The following ADD2 variants were observed in gnomAD, a reference collection of about 807,000 sequenced individuals.
ADD2 encodes beta-adducin.
A neutral mutation model predicts 83.0 loss-of-function variants in ADD2; 23 were observed. The ratio of observed to expected loss-of-function variants is 0.28; its 90% CI spans 0.20 to 0.39. The LOEUF is 0.39. ADD2 is among the 10% of genes least tolerant of loss of function. The probability of loss-of-function intolerance (pLI) is 1.00; values close to 1 mark genes in which losing one functional copy is unlikely to be tolerated. For missense variants in ADD2, 758 were observed against 944.9 expected (o/e 0.80, Z 2.59); for synonymous variants, 375 against 375.4 (o/e 1.00, Z 0.01).
chr2:70,669,186 A>G (rs1669798617), intron 15 of ADD2, among the ~76,000 whole-genome samples: 1 of 152,206 alleles, frequency 6.6e-6, no homozygotes, highest in African/African-American at 2.4e-5. Context: ...ATTGAGCTGG[A>G]TGCTGGCCAC....
intron 4 of ADD2, among the ~76,000 whole-genome samples, chr2:70,703,716 A>G (rs1671732580): frequency 6.6e-6 from 1 of 152,202 alleles, no homozygotes; most frequent in African/African-American, 2.4e-5. Context: ...ATTTTATGTG[A>G]TTACATTTGT....
intron 6 of ADD2, among the ~76,000 whole-genome samples, chr2:70,693,736 C>T (rs782316966): frequency 6.6e-6 from 1 of 152,200 alleles, no homozygotes; most frequent in Non-Finnish European, 1.5e-5. Flanking sequence ...CCAGCTCCCC[C>T]ACTTCCTCAG....
intron 2 of ADD2, among the ~76,000 whole-genome samples, chr2:70,707,347 C>A (rs1393195379): frequency 3.9e-5 from 6 of 152,240 alleles, no homozygotes; most frequent in Non-Finnish European, 7.3e-5. Context: ...GCTGCCAGAG[C>A]CCCACGTGCT....
chr2:70,669,912 C>A (rs547500244), intron 15 of ADD2, among the ~76,000 whole-genome samples: 5 of 152,260 alleles, frequency 3.3e-5, no homozygotes, highest in African/African-American at 1.2e-4. Flanking sequence ...ATCTCAGTGT[C>A]CCAGCTGAGC....
chr2:70,758,435 AG>A (rs1250117421), intron 1 of ADD2, among the ~76,000 whole-genome samples: 2 of 135,048 alleles, frequency 1.5e-5, no homozygotes, highest in Admixed American at 1.5e-4. Flanking sequence ...TTGTTTTGGA[AG>A]GGTTGGGAGG....
intron 12 of ADD2, 22 bp downstream of exon 12, chr2:70,677,736 G>A: frequency 6.2e-7 from 1 of 1,612,502 alleles, no homozygotes; most frequent in Non-Finnish European, 8.5e-7. Flanking sequence ...AAGAAAGAGT[G>A]GGATAAACAG....
At chr2:70,713,783 A>G (rs556918795) in intron 1 of ADD2, among the ~76,000 whole-genome samples, 82 of 152,196 alleles carry the variant, frequency 5.4e-4, no homozygotes, top group African/African-American at 1.9e-3. Context: ...GCACGAGCCC[A>G]GACGTGGTGG....
At chr2:70,741,581 T>G (rs782486156) in intron 1 of ADD2, among the ~76,000 whole-genome samples, 1 of 152,214 alleles carries the variant, frequency 6.6e-6, no homozygotes. Flanking sequence ...CAGGTCAGCA[T>G]TCCCATACGT....
intron 15 of ADD2, among the ~76,000 whole-genome samples, chr2:70,672,315 A>C (rs1553367208): frequency 6.6e-6 from 1 of 152,250 alleles, no homozygotes; most frequent in Non-Finnish European, 1.5e-5. Context: ...GAGAGACGTG[A>C]AAACTCCAGG....
intron 10 of ADD2, among the ~76,000 whole-genome samples, chr2:70,681,677 TG>T (rs1217102553): frequency 2.6e-5 from 4 of 152,066 alleles, no homozygotes; most frequent in Non-Finnish European, 4.4e-5. Context: ...TTTTTTCAGT[TG>T]TTTTTTTTTT....
chr2:70,742,996 T>G (rs1674001757), intron 1 of ADD2, among the ~76,000 whole-genome samples: 1 of 152,236 alleles, frequency 6.6e-6, no homozygotes, highest in Non-Finnish European at 1.5e-5. Context: ...TACAGATGTG[T>G]TAAGTGAGAA....
chr2:70,738,940 G>A (rs782297192), intron 1 of ADD2, among the ~76,000 whole-genome samples: 10 of 152,150 alleles, frequency 6.6e-5, no homozygotes, highest in Middle Eastern at 3.4e-3. Flanking sequence ...AAAAACCCTC[G>A]AAGACAACCT....
At chr2:70,672,040 G>A (rs1464246705) in intron 15 of ADD2, among the ~76,000 whole-genome samples, 2 of 152,104 alleles carry the variant, frequency 1.3e-5, no homozygotes, top group East Asian at 3.8e-4. Context: ...AACCATAACC[G>A]TAATTGCATC....
At chr2:70,677,662 G>C in intron 12 of ADD2, 96 bp downstream of exon 12, 2 of 1,491,716 alleles carry the variant, frequency 1.3e-6, no homozygotes, top group Non-Finnish European at 1.8e-6. Flanking sequence ...AGATGTCAGC[G>C]AGTCAGGCAC....
intron 1 of ADD2, among the ~76,000 whole-genome samples, chr2:70,732,603 G>C (rs1168477183): frequency 5.3e-5 from 8 of 152,296 alleles, no homozygotes; most frequent in African/African-American, 1.9e-4. Flanking sequence ...ATGGCTTTCA[G>C]GGATGTCAGA....
chr2:70,658,039 T>C lies in ADD2; in HGVS notation c.*5386A>G, dbSNP rs1445400288. 3 of 152,240 alleles carry C rather than the reference T, an allele frequency of 2.0e-5. No homozygotes were observed. The highest frequency in any genetic ancestry group is 4.8e-5 in the African/African-American group (2 of 41,466). The allele number at this position is 152,240 out of a possible 1,614,324, so 9.4% of individuals were successfully genotyped here. A position where few individuals can be genotyped will look rare whatever the true frequency, so the allele number is the denominator to read the frequency against. ...AGGTAAGTGGCACCAAACATCAATA[T>C]AGCCAAACCTAATATCACCTAAGTA... is the stretch of plus-strand genomic sequence containing the variant. On this transcript the variant is annotated 3_prime_UTR_variant, in exon 16 of 16. Coordinates refer to ENST00000264436, the MANE Select transcript of ADD2 (RefSeq NM_001617.4).
rs116184116 is a variant in ADD2 at position 70,740,516 on chromosome 2, G to A, written c.-153-27332C>T. 1.8e-3 allele frequency among the ~76,000 whole-genome samples: 274 copies of A among 152,256 alleles called. 2 individuals carry two copies. Among genetic ancestry groups the A allele is most frequent in the African/African-American group, 6.5e-3 (268 of 41,548 alleles). On this transcript the variant is annotated intron_variant, in intron 1 of 15. Transcript: ENST00000264436. ...TTTCACTGCAAGCATGCAGAGCAGA[G>A]TAAAATGCTGGTTAAAAACAAAACA...
intron 7 of ADD2, among the ~76,000 whole-genome samples, chr2:70,692,198 T>A (rs1208444308): frequency 3.3e-5 from 5 of 152,232 alleles, no homozygotes; most frequent in African/African-American, 1.2e-4. Context: ...GGGGATGCGA[T>A]GGAACAGACA....
intron 9 of ADD2, among the ~76,000 whole-genome samples, chr2:70,686,197 C>A (rs1670715477): frequency 1.3e-5 from 2 of 152,168 alleles, no homozygotes; most frequent in African/African-American, 4.8e-5. Flanking sequence ...ATGCCCTGAT[C>A]CACCCACACC....
Sources: allele counts gnomAD v4.1 joint callset (sites outside exome capture counted in the v4.1 genomes callset), GRCh38; gene constraint gnomAD v4.1.1; transcripts MANE v1.5; gene names NCBI Gene and HGNC (gene_info 2026-07-23, HGNC 2026-07-21).